Variants in CR1L observed in about 807,000 individuals in gnomAD.
CR1L encodes the protein complement component receptor 1-like protein.
In CR1L, 59 loss-of-function variants were observed where a neutral mutation model predicts 62.3. The ratio of observed to expected loss-of-function variants is 0.95; its 90% CI spans 0.77 to 1.18. The LOEUF is 1.18. Among genes scored for constraint, CR1L ranks in the 50% most tolerant of loss-of-function variants. The probability of loss-of-function intolerance (pLI) is 0.00; values close to 1 mark genes in which losing one functional copy is unlikely to be tolerated. For synonymous variants in CR1L, 279 were observed against 248.7 expected, an observed-to-expected ratio of 1.12 and a Z score of -1.15; for missense variants, 700 against 702.8, an observed-to-expected ratio of 1.00 and a Z score of 0.04.
intron 9 of CR1L, among the ~76,000 whole-genome samples, chr1:207,706,686 A>G (rs1352576574): frequency 6.6e-6 from 1 of 152,218 alleles, no homozygotes; most frequent in East Asian, 1.9e-4. Flanking sequence ...AGCCAAGCTA[A>G]TATTCACATC....
At chr1:207,698,651 A>G (rs1242802360) in intron 7 of CR1L, among the ~76,000 whole-genome samples, 1 of 151,756 alleles carries the variant, frequency 6.6e-6, no homozygotes, top group Non-Finnish European at 1.5e-5. Context: ...TGCGTACAAA[A>G]ATTATGTCCT....
chr1:207,654,403 G>A (rs1663273901), intron 1 of CR1L, among the ~76,000 whole-genome samples: 1 of 152,080 alleles, frequency 6.6e-6, no homozygotes, highest in Non-Finnish European at 1.5e-5. Context: ...CCTAAAAGAA[G>A]TTCTAACCTT....
At chr1:207,669,350 G>GCACAAGGATTGGTCACTCCTCTTTGCA in intron 1 of CR1L, 2 of 795,550 alleles carry the variant, frequency 2.5e-6, no homozygotes, top group South Asian at 2.9e-5. Context: ...TGGGCGCGGA[G>GCACAAGGATTGGTCACTCCTCTTTGCA]CACAAGGATT....
chr1:207,673,920 T>C (rs1396348376), intron 1 of CR1L, among the ~76,000 whole-genome samples: 3 of 152,152 alleles, frequency 2.0e-5, no homozygotes, highest in African/African-American at 7.2e-5. Context: ...AATCCAAATG[T>C]CCCTCAACAA....
intron 1 of CR1L, among the ~76,000 whole-genome samples, chr1:207,675,003 A>AT (rs369916683): frequency 1.8e-3 from 275 of 151,302 alleles, no homozygotes; most frequent in African/African-American, 4.6e-3. Flanking sequence ...TGGACTCTTC[A>AT]TTTTTTTTTA....
intron 4 of CR1L, among the ~76,000 whole-genome samples, chr1:207,690,927 C>A (rs1290210408): frequency 6.6e-6 from 1 of 152,184 alleles, no homozygotes. Context: ...CCCTGGCAAT[C>A]CAGAATGGTC....
At chr1:207,687,308 T>C (rs1243330554) in intron 4 of CR1L, among the ~76,000 whole-genome samples, 2 of 152,220 alleles carry the variant, frequency 1.3e-5, no homozygotes, top group Non-Finnish European at 2.9e-5. Context: ...GTTTACTTTG[T>C]TGGGAGGTCT....
intron 5 of CR1L, among the ~76,000 whole-genome samples, chr1:207,697,039 G>T (rs2102470045): frequency 6.6e-6 from 1 of 152,328 alleles, no homozygotes; most frequent in East Asian, 1.9e-4. Context: ...TATGTTTGTT[G>T]CACCAGTGTG....
At position 207,645,317 on chromosome 1, in the gene CR1L, G is replaced by A; in HGVS notation, c.84G>A (p.Leu28=). ...TTCTGGCGGCCCTGGTGTTGCTGCT[G>A]TCCTCCTTCTCCGGTAGGACCCCGG... ...GLLLAALVLL[L]SSFSDQCNVP... The change falls in exon 1 of 12, where the codon CTG becomes CTA. Residue 28 remains leucine (L), a synonymous_variant. Transcript: ENST00000508064. The A allele has an allele frequency of 1.2e-6, 2 of 1,614,050 alleles. No individual in the cohort carries two copies. Among genetic ancestry groups the A allele is most frequent in the South Asian group, 2.2e-5 (2 of 91,086 alleles).
intron 4 of CR1L, 56 bp downstream of exon 4, chr1:207,684,013 G>A: frequency 1.3e-6 from 2 of 1,524,910 alleles, no homozygotes; most frequent in South Asian, 1.2e-5. Context: ...ATTTTTCTCT[G>A]GAATAATAAA....
chr1:207,662,961 G>A (rs190608040), intron 1 of CR1L, among the ~76,000 whole-genome samples: 18 of 152,138 alleles, frequency 1.2e-4, no homozygotes, highest in East Asian at 1.9e-4. Context: ...GCAGAACAGC[G>A]GATACTGGTG....
In CR1L at chr1:207,696,784, G is replaced by A. The variant is rs190733554; in HGVS notation, c.863-719G>A. ...AATGTGTTCTGACTTCCTGAGTTCC[G>A]ATCAACTATATTAAGAGAGAGCCAG... On this transcript the variant is annotated intron_variant, in intron 5 of 11. Transcript: ENST00000508064. 1.9e-4 allele frequency among the ~76,000 whole-genome samples: 29 copies of A among 152,260 alleles called. No individual in the cohort carries two copies. In the East Asian group the frequency reaches 2.5e-3, roughly 13 times the overall value.
At chr1:207,661,628 G>A (rs1376206680) in intron 1 of CR1L, among the ~76,000 whole-genome samples, 3 of 152,098 alleles carry the variant, frequency 2.0e-5, no homozygotes, top group African/African-American at 4.8e-5. Flanking sequence ...TTTAATTGGA[G>A]CATTTAGCCC....
chr1:207,683,772 C>T (rs1663845510), intron 3 of CR1L, 100 bp from the exon 4 acceptor site: 1 of 1,107,408 alleles, frequency 9.0e-7, no homozygotes, highest in African/African-American at 1.5e-5. Flanking sequence ...GGAAAATGTC[C>T]CTCTGAATTC....
chr1:207,708,994 A>C (rs978450678), intron 10 of CR1L: 23 of 325,522 alleles, frequency 7.1e-5, no homozygotes, highest in African/African-American at 4.6e-4. Flanking sequence ...GTATCCAGTT[A>C]TTTGTATTAC....
chr1:207,679,739 T>C (rs889627349), intron 3 of CR1L, among the ~76,000 whole-genome samples: 2 of 152,116 alleles, frequency 1.3e-5, no homozygotes, highest in African/African-American at 4.8e-5. Context: ...GGTACATGCA[T>C]ACAATAGAAT....
chr1:207,713,126 G>C (rs573831582), intron 10 of CR1L, among the ~76,000 whole-genome samples: 1 of 152,274 alleles, frequency 6.6e-6, no homozygotes, highest in Non-Finnish European at 1.5e-5. Context: ...TGAAAAAATG[G>C]CACATACAAC....
At chr1:207,699,131 G>A in intron 7 of CR1L, 58 bp from the exon 8 acceptor site, 3 of 1,608,858 alleles carry the variant, frequency 1.9e-6, no homozygotes, top group Non-Finnish European at 2.6e-6. Flanking sequence ...CTTAGATTGT[G>A]AACTAAGTGT....
chr1:207,679,635 A>T (rs190336261), intron 3 of CR1L, among the ~76,000 whole-genome samples: 92 of 152,328 alleles, frequency 6.0e-4, no homozygotes, highest in African/African-American at 2.1e-3. Flanking sequence ...CACACAAAAA[A>T]ATCTGCACAC....
Sources: allele counts gnomAD v4.1 joint callset (sites outside exome capture counted in the v4.1 genomes callset), GRCh38; gene constraint gnomAD v4.1.1; transcripts MANE v1.5; gene names NCBI Gene and HGNC (gene_info 2026-07-23, HGNC 2026-07-21).